The following RUNX2 variants were observed in gnomAD, a reference collection of about 807,000 sequenced individuals.
RUNX2 encodes the protein runt-related transcription factor 2.
A neutral mutation model predicts 51.7 loss-of-function variants in RUNX2; 10 were observed. The observed-to-expected ratio is 0.19, with a 90% CI of 0.12 to 0.33. The LOEUF is 0.33. Among genes scored for constraint, RUNX2 ranks in the 10% least tolerant of loss-of-function variants. The pLI, the probability that RUNX2 is intolerant of heterozygous loss-of-function variation, is 1.00. For missense variants in RUNX2, 562 were observed against 691.3 expected, an observed-to-expected ratio of 0.81 and a Z score of 2.10; for synonymous variants, 276 against 273.6, an observed-to-expected ratio of 1.01 and a Z score of -0.09.
At chr6:45,481,697 T>A (rs1326831258) in intron 5 of RUNX2, among the ~76,000 whole-genome samples, 2 of 152,226 alleles carry the variant, frequency 1.3e-5, no homozygotes, top group Non-Finnish European at 2.9e-5. Context: ...GCACTTTTTC[T>A]TAATGTCTCC....
intron 7 of RUNX2, among the ~76,000 whole-genome samples, chr6:45,521,648 C>A (rs1479756045): frequency 1.3e-5 from 2 of 152,194 alleles, no homozygotes; most frequent in East Asian, 3.8e-4. Flanking sequence ...AGGGTTTTGA[C>A]AGCTATCATT....
At chr6:45,371,368 A>G (rs952597646) in intron 2 of RUNX2, among the ~76,000 whole-genome samples, 2 of 152,006 alleles carry the variant, frequency 1.3e-5, no homozygotes, top group African/African-American at 4.8e-5. Context: ...GGAGTTTATA[A>G]AGGGTACTTC....
At chr6:45,438,506 A>G (rs370332628) in intron 5 of RUNX2, among the ~76,000 whole-genome samples, 3 of 152,338 alleles carry the variant, frequency 2.0e-5, no homozygotes, top group Non-Finnish European at 4.4e-5. Flanking sequence ...TGAAGAGCAC[A>G]CTGCTTAATT....
At chr6:45,451,996 A>G (rs1033741146) in intron 5 of RUNX2, among the ~76,000 whole-genome samples, 4 of 152,224 alleles carry the variant, frequency 2.6e-5, no homozygotes, top group Non-Finnish European at 5.9e-5. Flanking sequence ...TATGACCAAA[A>G]AGAGAAACAG....
intron 2 of RUNX2, among the ~76,000 whole-genome samples, chr6:45,392,424 T>C (rs1169455734): frequency 6.6e-6 from 1 of 152,092 alleles, no homozygotes; most frequent in Non-Finnish European, 1.5e-5. Context: ...GCAGGAGGAA[T>C]GCATGAGTCC....
rs1029006870 is a variant in RUNX2 at position 45,398,070 on chromosome 6, G to C, written c.59-24523G>C. Among the ~76,000 whole-genome samples the C allele has an allele frequency of 7.0e-4, 106 of 152,142 alleles. 1 individual carries two copies. The highest frequency in any genetic ancestry group is 2.0e-4 in the Admixed American group (3 of 15,258). Reference sequence around the variant, plus strand: ...AGGACTTTGCCAGTGGTTTTGTTGGGCTGCCTCTTTGGCTCTGGGACACAT... The same window carrying C: ...AGGACTTTGCCAGTGGTTTTGTTGGCCTGCCTCTTTGGCTCTGGGACACAT... On this transcript the variant is annotated intron_variant, in intron 2 of 8. Coordinates refer to ENST00000647337, the MANE Select transcript of RUNX2 (RefSeq NM_001024630.4).
intron 2 of RUNX2, among the ~76,000 whole-genome samples, chr6:45,340,581 C>A (rs1340897733): frequency 6.6e-6 from 1 of 152,066 alleles, no homozygotes; most frequent in Non-Finnish European, 1.5e-5. Context: ...ACCTCAGTCT[C>A]CCAAAGTGCT....
chr6:45,519,400 C>G (rs1025786299), intron 7 of RUNX2, among the ~76,000 whole-genome samples: 1 of 152,080 alleles, frequency 6.6e-6, no homozygotes. Flanking sequence ...TATGAAATAA[C>G]GTCCATAGTT....
intron 5 of RUNX2, among the ~76,000 whole-genome samples, chr6:45,464,322 G>A (rs1340348774): frequency 1.3e-5 from 2 of 152,150 alleles, no homozygotes; most frequent in Non-Finnish European, 2.9e-5. Flanking sequence ...TATCTGTCAG[G>A]TAGTAGTTAA....
chr6:45,342,535 A>C (rs1267796398), intron 2 of RUNX2, among the ~76,000 whole-genome samples: 2 of 152,200 alleles, frequency 1.3e-5, no homozygotes, highest in African/African-American at 4.8e-5. Context: ...CTGCGATTAC[A>C]CGCATAAGCC....
At chr6:45,414,053 G>T (rs1421330258) in intron 2 of RUNX2, among the ~76,000 whole-genome samples, 5 of 152,038 alleles carry the variant, frequency 3.3e-5, no homozygotes, top group Admixed American at 2.6e-4. Context: ...AAATAATGAG[G>T]GGATCCACTC....
chr6:45,374,602 T>C (rs545779257), intron 2 of RUNX2, among the ~76,000 whole-genome samples: 1 of 152,336 alleles, frequency 6.6e-6, no homozygotes, highest in African/African-American at 2.4e-5. Context: ...AAAACCCTTC[T>C]TTAACATTCT....
intron 2 of RUNX2, among the ~76,000 whole-genome samples, chr6:45,392,690 A>G (rs1241605769): frequency 7.1e-6 from 1 of 140,726 alleles, no homozygotes; most frequent in African/African-American, 2.6e-5. Context: ...GAAATTACCT[A>G]GAAAATGCCT....
chr6:45,463,976 G>A (rs1799553074), intron 5 of RUNX2, among the ~76,000 whole-genome samples: 1 of 152,092 alleles, frequency 6.6e-6, no homozygotes, highest in Non-Finnish European at 1.5e-5. Context: ...GGTGAATCAC[G>A]AGGTCAGGAG....
intron 2 of RUNX2, among the ~76,000 whole-genome samples, chr6:45,408,944 T>C (rs1174242603): frequency 6.6e-6 from 1 of 152,216 alleles, no homozygotes; most frequent in Non-Finnish European, 1.5e-5. Flanking sequence ...TTATGAATAT[T>C]GAGTGCCTGA....
chr6:45,364,098 G>A (rs1794727018), intron 2 of RUNX2, among the ~76,000 whole-genome samples: 1 of 144,278 alleles, frequency 6.9e-6, no homozygotes, highest in Admixed American at 7.2e-5. Flanking sequence ...CTGGGCAACA[G>A]AGTGAGACTC....
chr6:45,373,944 C>T (rs1373668852), intron 2 of RUNX2, among the ~76,000 whole-genome samples: 2 of 152,200 alleles, frequency 1.3e-5, no homozygotes, highest in Non-Finnish European at 2.9e-5. Context: ...ATTTACACAA[C>T]AATTTTTGCA....
chr6:45,513,846 A>T (rs896585347), intron 7 of RUNX2, among the ~76,000 whole-genome samples: 4 of 152,230 alleles, frequency 2.6e-5, no homozygotes, highest in Non-Finnish European at 5.9e-5. Flanking sequence ...GCAAACATTA[A>T]TTAAAGGTAC....
intron 2 of RUNX2, among the ~76,000 whole-genome samples, chr6:45,416,730 C>A (rs75205636): frequency 0.08 from 12,157 of 152,144 alleles, 710 homozygotes; most frequent in South Asian, 0.18. Flanking sequence ...ACTAGGGTGT[C>A]GTTTAGTAAG....
Sources: gnomAD v4.1 joint callset for allele counts (sites outside exome capture counted in the v4.1 genomes callset) on GRCh38, gnomAD v4.1.1 for gene constraint, MANE v1.5 for transcripts, NCBI Gene and HGNC (gene_info 2026-07-23, HGNC 2026-07-21) for gene names.